The following RAB11FIP4 variants were observed in gnomAD, a reference collection of about 807,000 sequenced individuals.
RAB11FIP4 encodes RAB11 family interacting protein 4.
In RAB11FIP4, 23 loss-of-function variants were observed where a neutral mutation model predicts 74.3. The observed-to-expected ratio is 0.31, with a 90% CI of 0.22 to 0.44. The LOEUF is 0.44. Among genes scored for constraint, RAB11FIP4 ranks in the 20% least tolerant of loss-of-function variants. The pLI is 1.00. For synonymous variants in RAB11FIP4, 360 were observed against 359.9 expected, an observed-to-expected ratio of 1.00 and a Z score of 0.00; for missense variants, 630 against 863.9, an observed-to-expected ratio of 0.73 and a Z score of 3.39.
intron 1 of RAB11FIP4, among the ~76,000 whole-genome samples, chr17:31,412,711 G>C (rs1027324219): frequency 2.6e-5 from 4 of 152,176 alleles, no homozygotes; most frequent in Non-Finnish European, 5.9e-5. Context: ...GGAAATGTAC[G>C]TGAACACCAG....
intron 7 of RAB11FIP4, chr17:31,522,638 C>T (rs1046828465): frequency 3.7e-6 from 2 of 545,876 alleles, no homozygotes; most frequent in Non-Finnish European, 3.2e-6. Flanking sequence ...ACCTTGACTT[C>T]AGGCAGGCAT....
rs1324028093 is a variant in RAB11FIP4 at position 31,536,381 on chromosome 17, GTT to G, written c.*4652_*4653del. 1 of 152,160 alleles carries G rather than the reference GTT, an allele frequency of 6.6e-6. No homozygotes were observed. The highest frequency in any genetic ancestry group is 1.5e-5 in the Non-Finnish European group (1 of 68,028). The allele number at this position is 152,160 out of a possible 1,614,324, so 9.4% of individuals were successfully genotyped here. ...CTTTCGATGTGATCATACCAGGAAA[GTT>G]TTGCGTGGTCACCATGCCAAGAAAA... On this transcript the variant is annotated 3_prime_UTR_variant, in exon 15 of 15. Coordinates refer to ENST00000621161, the MANE Select transcript of RAB11FIP4 (RefSeq NM_032932.6).
At chr17:31,505,512 A>ATATAATATAT in intron 3 of RAB11FIP4, among the ~76,000 whole-genome samples, 1 of 60,318 alleles carries the variant, frequency 1.7e-5, no homozygotes, top group Non-Finnish European at 3.4e-5. Flanking sequence ...TATTATATAT[A>ATATAATATAT]ATAATTATAT....
chr17:31,488,189 G>A, intron 3 of RAB11FIP4: 1 of 1,088,454 alleles, frequency 9.2e-7, no homozygotes, highest in Non-Finnish European at 1.1e-6. Flanking sequence ...GTCCCCGCGC[G>A]CCGCCGACCC....
chr17:31,453,483 C>T (rs58581159), intron 3 of RAB11FIP4, among the ~76,000 whole-genome samples: 19 of 152,012 alleles, frequency 1.2e-4, no homozygotes, highest in African/African-American at 4.6e-4. Flanking sequence ...GGAACTTAGC[C>T]TCCCTGAGCC....
chr17:31,525,484 G>A, intron 10 of RAB11FIP4: 1 of 522,456 alleles, frequency 1.9e-6, no homozygotes. Flanking sequence ...ATGTCTGTCA[G>A]AGAAAAGGGC....
rs116406476 is a variant in RAB11FIP4 at position 31,464,147 on chromosome 17, C to T, written c.336+30025C>T. Among the ~76,000 whole-genome samples the T allele has an allele frequency of 7.3e-3, 1,113 of 152,056 alleles. 14 individuals carry two copies. The highest frequency in any genetic ancestry group is 0.024 in the African/African-American group (979 of 41,486). ...CCATTTGTTTCTCCTGTGCCAGACC[C>T]GCAGGTTCAAGGATCATACTTGCCT... On this transcript the variant is annotated intron_variant, in intron 3 of 14. Coordinates refer to ENST00000621161, the MANE Select transcript of RAB11FIP4 (RefSeq NM_032932.6).
intron 1 of RAB11FIP4, among the ~76,000 whole-genome samples, chr17:31,415,957 T>C (rs939080395): frequency 1.3e-5 from 2 of 152,142 alleles, no homozygotes; most frequent in African/African-American, 4.8e-5. Flanking sequence ...CCTTGACTCA[T>C]AGTCTGATCT....
In RAB11FIP4 at chr17:31,415,824, C is replaced by T. The variant is rs141736427; in HGVS notation, c.160-15989C>T. ...CCTCAGCCCCCCTGCGGACGGTCTC[C>T]GCAGCCTCCCAGCTGGCTGGTGGCC... On this transcript the variant is annotated intron_variant, in intron 1 of 14. Transcript: ENST00000621161. Among the ~76,000 whole-genome samples the T allele has an allele frequency of 2.4e-3, 359 of 152,250 alleles. 2 individuals are homozygous for T. Among genetic ancestry groups the T allele is most frequent in the Middle Eastern group, 3.4e-3 (1 of 294 alleles).
At chr17:31,458,833 C>T (rs564289801) in intron 3 of RAB11FIP4, among the ~76,000 whole-genome samples, 3 of 152,192 alleles carry the variant, frequency 2.0e-5, no homozygotes, top group Non-Finnish European at 4.4e-5. Flanking sequence ...CACTTCCTCC[C>T]CAGGAGAAAA....
intron 3 of RAB11FIP4, among the ~76,000 whole-genome samples, chr17:31,510,666 G>A (rs2142791793): frequency 6.6e-6 from 1 of 152,302 alleles, no homozygotes; most frequent in South Asian, 2.1e-4. Context: ...GAGGACCCTG[G>A]TGGGGAGAAA....
chr17:31,435,840 C>T (rs537739764), intron 3 of RAB11FIP4, among the ~76,000 whole-genome samples: 1 of 152,348 alleles, frequency 6.6e-6, no homozygotes, highest in South Asian at 2.1e-4. Flanking sequence ...AGTCAGGTGG[C>T]TAGGCCTCAG....
intron 1 of RAB11FIP4, among the ~76,000 whole-genome samples, chr17:31,424,573 C>T (rs2071228765): frequency 8.8e-6 from 1 of 113,476 alleles, no homozygotes; most frequent in East Asian, 2.6e-4. Context: ...CCACACCCAG[C>T]TAATTTTTTT....
intron 3 of RAB11FIP4, among the ~76,000 whole-genome samples, chr17:31,466,799 GT>G (rs2071690191): frequency 6.6e-6 from 1 of 152,198 alleles, no homozygotes; most frequent in Admixed American, 6.5e-5. Context: ...ACAGAGCAAA[GT>G]TGAGCTTCCC....
At chr17:31,474,306 T>G (rs565382238) in intron 3 of RAB11FIP4, among the ~76,000 whole-genome samples, 5 of 152,062 alleles carry the variant, frequency 3.3e-5, no homozygotes, top group Admixed American at 3.3e-4. Context: ...GGGAAGAGGA[T>G]TGAAGCACAG....
At chr17:31,439,791 G>T (rs988250973) in intron 3 of RAB11FIP4, among the ~76,000 whole-genome samples, 10 of 151,824 alleles carry the variant, frequency 6.6e-5, no homozygotes, top group South Asian at 2.1e-4. Flanking sequence ...TTGTTTTTTT[G>T]TTTGTTTGTT....
intron 3 of RAB11FIP4, chr17:31,501,740 TCTC>T (rs1190078674): frequency 1.1e-5 from 2 of 175,254 alleles, no homozygotes; most frequent in Non-Finnish European, 2.6e-5. Flanking sequence ...ATGGTCTCAA[TCTC>T]CTGACCTCGT....
Position 31,525,094 on chromosome 17 carries a change from C to T in RAB11FIP4, c.1138C>T (p.His380Tyr), listed in dbSNP as rs1268883562. ...QENTQLVHRVHELEEMVKDQE... is the reference protein window; with the variant it reads ...QENTQLVHRVYELEEMVKDQE... ...TGCCCATTGCGCTGTCCTCAGGGTG[C>T]ATGAGCTGGAGGAGATGGTGAAGGA... The change falls in exon 10 of 15, where the codon CAT becomes TAT. Residue 380 changes from histidine (H) to tyrosine (Y), a missense_variant. Coordinates refer to ENST00000621161, the MANE Select transcript of RAB11FIP4 (RefSeq NM_032932.6). The T allele has an allele frequency of 6.4e-7, 1 of 1,550,516 alleles. No homozygotes were observed. Among genetic ancestry groups the T allele is most frequent in the South Asian group, 1.2e-5 (1 of 84,012 alleles).
chr17:31,449,315 G>T (rs914566061), intron 3 of RAB11FIP4, among the ~76,000 whole-genome samples: 1 of 151,988 alleles, frequency 6.6e-6, no homozygotes, highest in African/African-American at 2.4e-5. Context: ...CACAGCACCC[G>T]CACCACGCCC....
Sources: allele counts gnomAD v4.1 joint callset (sites outside exome capture counted in the v4.1 genomes callset), GRCh38; gene constraint gnomAD v4.1.1; transcripts MANE v1.5; gene names NCBI Gene and HGNC (gene_info 2026-07-23, HGNC 2026-07-21).